Variants in KMT2E observed in about 807,000 individuals in gnomAD.
The protein encoded by KMT2E is histone reader KMT2E.
Under a neutral mutation model 184.6 loss-of-function variants are expected in KMT2E, and 30 were observed. The ratio of observed to expected loss-of-function variants is 0.16; its 90% CI spans 0.12 to 0.22. KMT2E has a LOEUF of 0.22. KMT2E is among the 10% of genes least tolerant of loss of function. The pLI is 1.00. For synonymous variants in KMT2E, 815 were observed against 776.5 expected (o/e 1.05, Z -0.82); for missense variants, 2,023 against 2,237.4 (o/e 0.90, Z 1.93).
At chr7:105,085,330 C>T (rs1489304980) in intron 13 of KMT2E, among the ~76,000 whole-genome samples, 1 of 152,172 alleles carries the variant, frequency 6.6e-6, no homozygotes, top group Admixed American at 6.5e-5. Context: ...GGGTGGATCA[C>T]CTGAGGTCAG....
At position 105,109,208 on chromosome 7, in the gene KMT2E, G is replaced by C. The variant is rs573229051; in HGVS notation, c.3735G>C (p.Lys1245Asn). The change falls in exon 23 of 27, where the codon AAG becomes AAC. Residue 1245 changes from lysine (K) to asparagine (N), a missense_variant. Lys to Asn is a moderately conservative substitution (Grantham distance 94). Around this residue, in one of 8 missense-constraint regions of KMT2E, gnomAD observed 1,108 missense variants for 1,050.9 expected, o/e 1.05. Transcript: ENST00000311117. ...CPVKDATASEKNEPEVQWTAS... is the reference protein window; with the variant it reads ...CPVKDATASENNEPEVQWTAS... ...TTAAGGATGCTACTGCTAGTGAGAA[G>C]AATGAACCAGAAGTTCAATGGTAAG... The C allele has an allele frequency of 1.2e-6, 2 of 1,613,806 alleles. No homozygotes were observed. The highest frequency in any genetic ancestry group is 1.7e-6 in the Non-Finnish European group (2 of 1,179,862).
intron 13 of KMT2E, among the ~76,000 whole-genome samples, chr7:105,084,513 G>C (rs1203624432): frequency 6.6e-6 from 1 of 152,012 alleles, no homozygotes; most frequent in African/African-American, 2.4e-5. Context: ...TGTAATCCCA[G>C]CTACTCGGGA....
intron 1 of KMT2E, among the ~76,000 whole-genome samples, chr7:105,037,537 A>G (rs867665846): frequency 2.0e-4 from 30 of 151,684 alleles, no homozygotes; most frequent in African/African-American, 7.0e-4. Flanking sequence ...TAGTTTTTGT[A>G]TTTTTTGTAG....
At chr7:105,096,511 A>G (rs1408315751) in intron 15 of KMT2E, among the ~76,000 whole-genome samples, 1 of 152,180 alleles carries the variant, frequency 6.6e-6, no homozygotes, top group East Asian at 1.9e-4. Context: ...CAAGGAAGTC[A>G]CGTAGGCAAG....
At chr7:105,048,570 TA>T (rs5886343) in intron 3 of KMT2E, among the ~76,000 whole-genome samples, 42,710 of 152,094 alleles carry the variant, frequency 0.28, 8,980 homozygotes, top group East Asian at 0.64. Context: ...TCCTGATTGT[TA>T]AAAAAATACG....
chr7:105,017,828 G>T (rs1411961653), intron 1 of KMT2E, among the ~76,000 whole-genome samples: 1 of 152,134 alleles, frequency 6.6e-6, no homozygotes, highest in Non-Finnish European at 1.5e-5. Flanking sequence ...GTAAATGAAA[G>T]GATCTCTCTG....
At chr7:105,049,192 C>A (rs1332892780) in intron 3 of KMT2E, among the ~76,000 whole-genome samples, 1 of 152,026 alleles carries the variant, frequency 6.6e-6, no homozygotes, top group Non-Finnish European at 1.5e-5. Context: ...CACCTGTATT[C>A]CTAGCACTTT....
chr7:105,081,162 A>G (rs1381446167), intron 12 of KMT2E, among the ~76,000 whole-genome samples: 1 of 152,104 alleles, frequency 6.6e-6, no homozygotes, highest in Non-Finnish European at 1.5e-5. Flanking sequence ...CCGGCACATC[A>G]TGAGGTCAGG....
intron 6 of KMT2E, among the ~76,000 whole-genome samples, chr7:105,068,796 G>A (rs947694078): frequency 6.6e-6 from 1 of 151,670 alleles, no homozygotes; most frequent in Non-Finnish European, 1.5e-5. Context: ...TTAACTATTC[G>A]GTTCTCTTAA....
At position 105,063,379 on chromosome 7, in the gene KMT2E, C is replaced by T. The variant is rs747436302; in HGVS notation, c.215C>T (p.Pro72Leu). 28 of 1,611,996 alleles carry T rather than the reference C, an allele frequency of 1.7e-5. No individual in the cohort carries two copies. The highest frequency in any genetic ancestry group is 2.2e-5 in the East Asian group (1 of 44,844). Residue 72 changes from proline to leucine, a missense_variant, in exon 5 of 27, where the codon CCG (proline) becomes CTG (leucine). By Grantham distance (98) the Pro-to-Leu change is moderately conservative. Around this residue, in one of 8 missense-constraint regions of KMT2E, gnomAD observed 48 missense variants for 51.5 expected, o/e 0.93. Transcript: ENST00000311117. The part of the protein sequence containing the change: ...ADHNYGARPP[P>L]TPPASPPPSV... ...CATAATTATGGTGCTCGTCCTCCTC[C>T]GACACCTCCGGCTTCCCCTCCTCCA...
At chr7:105,083,773 A>G (rs1318224825) in intron 13 of KMT2E, among the ~76,000 whole-genome samples, 1 of 151,952 alleles carries the variant, frequency 6.6e-6, no homozygotes, top group African/African-American at 2.4e-5. Context: ...TCAGGCAGAT[A>G]CTCTTTCTCC....
Position 105,059,978 on chromosome 7 carries a change from G to GTTTTTTTTTTTTTTTT in KMT2E, c.72-2168_72-2153dup, listed in dbSNP as rs67291226. 1.6e-3 allele frequency among the ~76,000 whole-genome samples: 84 copies of GTTTTTTTTTTTTTTTT among 51,796 alleles called. 23 individuals are homozygous for GTTTTTTTTTTTTTTTT. The highest frequency in any genetic ancestry group is 2.5e-3 in the Admixed American group (8 of 3,142). The allele number at this position is 51,796 out of a possible 152,430, so 34.0% of individuals were successfully genotyped here. A position where few individuals can be genotyped will look rare whatever the true frequency, so the allele number is the denominator to read the frequency against. ...GCTGAATATTGATTTTCTTGTTGTT[G>GTTTTTTTTTTTTTTTT]TTTTTTTTTTTTTTTTTTTTTTTTT... is the stretch of plus-strand genomic sequence containing the variant. On this transcript the variant is annotated intron_variant, in intron 3 of 26. Coordinates refer to ENST00000311117, the MANE Select transcript of KMT2E (RefSeq NM_182931.3).
At chr7:105,045,829 C>T (rs1348457180) in intron 3 of KMT2E, among the ~76,000 whole-genome samples, 1 of 152,210 alleles carries the variant, frequency 6.6e-6, no homozygotes, top group Non-Finnish European at 1.5e-5. Context: ...ATTGCTAGGT[C>T]ATAACATAAT....
chr7:105,034,781 G>T, intron 1 of KMT2E, among the ~76,000 whole-genome samples: 1 of 138,894 alleles, frequency 7.2e-6, no homozygotes, highest in South Asian at 2.2e-4. Context: ...CTCCATTTCT[G>T]TAATTTATTA....
At chr7:105,023,013 C>T (rs1795016566) in intron 1 of KMT2E, among the ~76,000 whole-genome samples, 2 of 152,082 alleles carry the variant, frequency 1.3e-5, no homozygotes, top group South Asian at 4.1e-4. Context: ...AAATAGTTTC[C>T]TGGATGCTGA....
In KMT2E at chr7:105,113,555, CTG is replaced by C; in HGVS notation, c.*224_*225del. 2.2e-6 allele frequency: 1 copy of C among 449,022 alleles called. No homozygotes were observed. Among genetic ancestry groups the C allele is most frequent in the Non-Finnish European group, 3.9e-6 (1 of 258,808 alleles). 27.8% of individuals were successfully genotyped at this position (449,022 alleles called of 1,614,324 possible). ...TTTATTTTGTAAGTGAACATTCCAG[CTG>C]TTTTTTTCTGGCAGATCTGATGCTG... On this transcript the variant is annotated 3_prime_UTR_variant, in exon 27 of 27. Transcript: ENST00000311117.
intron 3 of KMT2E, among the ~76,000 whole-genome samples, chr7:105,059,263 A>G (rs1003037519): frequency 2.6e-5 from 4 of 152,130 alleles, no homozygotes; most frequent in African/African-American, 7.2e-5. Flanking sequence ...TTTTAGTAAC[A>G]TGTTTTGCAG....
chr7:105,030,105 ATGTC>A lies in KMT2E; in HGVS notation c.-188-8016_-188-8013del, dbSNP rs141245929. Among the ~76,000 whole-genome samples, 1,444 of 152,330 alleles carry A rather than the reference ATGTC, an allele frequency of 9.5e-3. 28 individuals are homozygous for A. The highest frequency in any genetic ancestry group is 0.033 in the African/African-American group (1,382 of 41,566). ...TACATTTAGCAGCTGTTCTAGAACAATGTCTGTCAAAATATAAACCAGTAGTTAA... is the reference window on the plus strand; with the variant it reads ...TACATTTAGCAGCTGTTCTAGAACAATGTCAAAATATAAACCAGTAGTTAA... On this transcript the variant is annotated intron_variant, in intron 1 of 26. Coordinates refer to ENST00000311117, the MANE Select transcript of KMT2E (RefSeq NM_182931.3).
intron 12 of KMT2E, among the ~76,000 whole-genome samples, chr7:105,079,311 T>C (rs1292249940): frequency 6.6e-6 from 1 of 151,690 alleles, no homozygotes; most frequent in Non-Finnish European, 1.5e-5. Flanking sequence ...TTTTTTTGCA[T>C]TTTTAGTAGG....
Sources: gnomAD v4.1 joint callset for allele counts (sites outside exome capture counted in the v4.1 genomes callset) on GRCh38, gnomAD v4.1.1 for gene constraint, gnomAD v4.1.1 regional missense constraint, MANE v1.5 for transcripts, NCBI Gene and HGNC (gene_info 2026-07-23, HGNC 2026-07-21) for gene names.